WDR27: variants seen among roughly 807,000 people sequenced by gnomAD.
The protein encoded by WDR27 is WD repeat domain 27.
WDR27 carries 100 observed loss-of-function variants against 114.4 expected under a neutral mutation model. The ratio of observed to expected loss-of-function variants is 0.87; its 90% CI spans 0.74 to 1.03. WDR27 has a LOEUF of 1.03. WDR27 is among the 50% of genes least tolerant of loss of function. The probability of loss-of-function intolerance (pLI) is 0.00; values close to 1 mark genes in which losing one functional copy is unlikely to be tolerated. For missense variants in WDR27, 1,129 were observed against 1,092.9 expected, an observed-to-expected ratio of 1.03 and a Z score of -0.47; for synonymous variants, 449 against 423.1, an observed-to-expected ratio of 1.06 and a Z score of -0.75.
At position 169,638,648 on chromosome 6, in the gene WDR27, GC is replaced by G; in HGVS notation, c.1759del (p.Ala587GlnfsTer2). On this transcript the variant is annotated frameshift_variant, in exon 18 of 26. Coordinates refer to ENST00000448612, the MANE Select transcript of WDR27 (RefSeq NM_182552.5). LOFTEE classifies it high-confidence loss of function. ...TPAVFSGHDG[A>X]VNAVCWSQDR... ...CTGGCTCCAGCACACGGCATTCACT[GC>G]CCCGTCGTGACCTAACAGGAATGAC... 1 of 1,603,456 alleles carries G rather than the reference GC, an allele frequency of 6.2e-7. No individual in the cohort carries two copies.
intron 25 of WDR27, among the ~76,000 whole-genome samples, chr6:169,488,361 C>T (rs554778796): frequency 6.6e-6 from 1 of 152,324 alleles, no homozygotes; most frequent in East Asian, 1.9e-4. Context: ...AAGGAAATTA[C>T]TATTCAGCCT....
chr6:169,581,857 C>T (rs931913305), intron 24 of WDR27, among the ~76,000 whole-genome samples: 41 of 152,340 alleles, frequency 2.7e-4, no homozygotes, highest in African/African-American at 8.9e-4. Flanking sequence ...CCTGGTCACA[C>T]GCGCTAGGCC....
chr6:169,545,769 A>G (rs1797383858), intron 25 of WDR27, among the ~76,000 whole-genome samples: 1 of 152,214 alleles, frequency 6.6e-6, no homozygotes, highest in Non-Finnish European at 1.5e-5. Flanking sequence ...AAATATTTTC[A>G]AGATAGATAT....
intron 16 of WDR27, 64 bp from the exon 17 acceptor site, chr6:169,643,850 G>GA: frequency 7.5e-7 from 1 of 1,327,974 alleles, no homozygotes. Context: ...TCACACTGTA[G>GA]AAAAGCCTAG....
At chr6:169,691,854 T>C (rs543429621) in intron 1 of WDR27, among the ~76,000 whole-genome samples, 1 of 152,324 alleles carries the variant, frequency 6.6e-6, no homozygotes, top group South Asian at 2.1e-4. Context: ...AGACGGCAGC[T>C]AGGAGACAGG....
At chr6:169,476,605 T>G (rs887540153) in intron 25 of WDR27, among the ~76,000 whole-genome samples, 13 of 152,190 alleles carry the variant, frequency 8.5e-5, no homozygotes, top group Non-Finnish European at 1.9e-4. Context: ...GTCACCCCCA[T>G]GACCTGGTGT....
At chr6:169,658,217 A>G (rs756320724) in intron 13 of WDR27, 59 bp downstream of exon 13, 1 of 1,368,738 alleles carries the variant, frequency 7.3e-7, no homozygotes, top group South Asian at 1.2e-5. Context: ...CAGCAGCCCT[A>G]ACCACAATGA....
intron 24 of WDR27, among the ~76,000 whole-genome samples, chr6:169,577,763 G>A (rs1345178459): frequency 6.6e-6 from 1 of 152,176 alleles, no homozygotes; most frequent in Non-Finnish European, 1.5e-5. Context: ...CAAGACATTC[G>A]CCGCAGCAGC....
At chr6:169,694,136 C>T (rs535839627) in intron 1 of WDR27, among the ~76,000 whole-genome samples, 4 of 152,088 alleles carry the variant, frequency 2.6e-5, no homozygotes, top group African/African-American at 9.6e-5. Context: ...GGTGAAACCC[C>T]CTCTCTACTA....
At position 169,679,640 on chromosome 6, in the gene WDR27, G is replaced by A. The variant is rs144287042; in HGVS notation, c.190-7244C>T. On this transcript the variant is annotated intron_variant, in intron 2 of 25. Transcript: ENST00000448612. ...GACCACTTGTTCCTGTTTTCACCCT[G>A]TGAAGTACCTGCTCCCTCTTCACCT... is the stretch of plus-strand genomic sequence containing the variant. 5.9e-5 allele frequency among the ~76,000 whole-genome samples: 9 copies of A among 152,282 alleles called. No homozygotes were observed. In the East Asian group the frequency reaches 1.5e-3, roughly 26 times the overall value.
chr6:169,508,923 C>G (rs372260860), intron 25 of WDR27, among the ~76,000 whole-genome samples: 6 of 152,274 alleles, frequency 3.9e-5, no homozygotes, highest in Middle Eastern at 3.4e-3. Context: ...CTGAGCTGCC[C>G]TCCACACAGC....
Position 169,688,827 on chromosome 6 carries a change from G to A in WDR27, c.179C>T (p.Pro60Leu). The change falls in exon 2 of 26, where the codon CCT becomes CTT. Residue 60 changes from proline to leucine, a missense_variant. Transcript: ENST00000448612. Reference sequence around the variant, plus strand: ...TAACTCGTTCAATACCTGATGAGAAGGATCCTTAGTGTTCCATATACAAAG... The same window carrying A: ...TAACTCGTTCAATACCTGATGAGAAAGATCCTTAGTGTTCCATATACAAAG... ...TELCIWNTKD[P>L]SHQLLILRGH... is the part of the protein sequence containing the mutation. 1.2e-6 allele frequency: 2 copies of A among 1,605,030 alleles called. No homozygotes were observed. Among genetic ancestry groups the A allele is most frequent in the Non-Finnish European group, 8.5e-7 (1 of 1,176,314 alleles).
intron 25 of WDR27, among the ~76,000 whole-genome samples, chr6:169,502,695 G>A (rs1217432609): frequency 6.6e-6 from 1 of 152,048 alleles, no homozygotes; most frequent in Non-Finnish European, 1.5e-5. Context: ...AAGCTCCCTC[G>A]TGATCGCACT....
chr6:169,668,837 T>C (rs1435253514), intron 4 of WDR27: 1 of 152,284 alleles, frequency 6.6e-6, no homozygotes, highest in African/African-American at 2.4e-5. Flanking sequence ...ATATATATGG[T>C]GACTTAACTT....
chr6:169,659,628 G>T lies in WDR27; in HGVS notation c.1130-110C>A. On this transcript the variant is annotated intron_variant, in intron 10 of 25. Coordinates refer to ENST00000448612, the MANE Select transcript of WDR27 (RefSeq NM_182552.5). This position sits in a 1 kb window ranked among gnomAD's most constrained non-coding sequence, Gnocchi z 4.3. ...CACAGCCCAGAGCCCACCACACACA[G>T]TCCAGGCCCCACCACACACTTTGCA... 2 of 997,814 alleles carry T rather than the reference G, an allele frequency of 2.0e-6. No homozygotes were observed. The highest frequency in any genetic ancestry group is 3.0e-6 in the Non-Finnish European group (2 of 658,514). The allele number at this position is 997,814 out of a possible 1,614,324, so 61.8% of individuals were successfully genotyped here. A position where few individuals can be genotyped will look rare whatever the true frequency, so the allele number is the denominator to read the frequency against.
chr6:169,597,334 TG>T (rs1419086146), intron 23 of WDR27, among the ~76,000 whole-genome samples: 1 of 150,828 alleles, frequency 6.6e-6, no homozygotes, highest in Non-Finnish European at 1.5e-5. Context: ...GTTTCTATTA[TG>T]TTTTTTTTTC....
chr6:169,594,012 T>C (rs1806292339), intron 23 of WDR27, among the ~76,000 whole-genome samples: 1 of 152,242 alleles, frequency 6.6e-6, no homozygotes, highest in Admixed American at 6.5e-5. Context: ...GTCTGGCTTT[T>C]TAGGTAGATA....
At chr6:169,531,486 A>G (rs1476833731) in intron 25 of WDR27, among the ~76,000 whole-genome samples, 1 of 152,218 alleles carries the variant, frequency 6.6e-6, no homozygotes, top group Non-Finnish European at 1.5e-5. Flanking sequence ...GGCAGAGAGC[A>G]GATGGGCAGC....
intron 25 of WDR27, among the ~76,000 whole-genome samples, chr6:169,469,723 C>T (rs961328977): frequency 4.6e-5 from 7 of 152,200 alleles, no homozygotes; most frequent in Non-Finnish European, 1.0e-4. Context: ...TTTATAGACT[C>T]CAAAGCACCT....
Sources: gnomAD v4.1 joint callset for allele counts (sites outside exome capture counted in the v4.1 genomes callset) on GRCh38, gnomAD v4.1.1 for gene constraint, Gnocchi (gnomAD v3.1) non-coding constraint, MANE v1.5 for transcripts, NCBI Gene and HGNC (gene_info 2026-07-23, HGNC 2026-07-21) for gene names.